The following ITGB5 variants were observed in gnomAD, a reference collection of about 807,000 sequenced individuals.
The protein encoded by ITGB5 is integrin subunit beta 5.
A neutral mutation model predicts 84.8 loss-of-function variants in ITGB5; 38 were observed. The ratio of observed to expected loss-of-function variants is 0.45; its 90% CI spans 0.35 to 0.59. ITGB5 has a LOEUF of 0.59. Among genes scored for constraint, ITGB5 ranks in the 20% least tolerant of loss-of-function variants. ITGB5 has a pLI of 0.01. For synonymous variants in ITGB5, 393 were observed against 414.4 expected, an observed-to-expected ratio of 0.95 and a Z score of 0.63; for missense variants, 905 against 1,034.5, an observed-to-expected ratio of 0.87 and a Z score of 1.72.
At chr3:124,828,316 A>G (rs566239111) in intron 5 of ITGB5, among the ~76,000 whole-genome samples, 1 of 152,356 alleles carries the variant, frequency 6.6e-6, no homozygotes, top group African/African-American at 2.4e-5. Context: ...AAACTGTTGC[A>G]TATCTATGCG....
chr3:124,824,622 G>GA (rs1304968535), intron 5 of ITGB5, among the ~76,000 whole-genome samples: 8 of 152,060 alleles, frequency 5.3e-5, no homozygotes, highest in Admixed American at 1.3e-4. Context: ...GAAAATATTT[G>GA]AAAAAATTAA....
chr3:124,824,122 T>C (rs919343752), intron 5 of ITGB5, among the ~76,000 whole-genome samples: 3 of 152,180 alleles, frequency 2.0e-5, no homozygotes, highest in African/African-American at 7.2e-5. Flanking sequence ...CAATGGAAAC[T>C]AGCAAAACAA....
intron 1 of ITGB5, among the ~76,000 whole-genome samples, chr3:124,897,103 C>T (rs72974592): frequency 0.053 from 8,043 of 152,188 alleles, 248 homozygotes; most frequent in African/African-American, 0.086. Flanking sequence ...GTGTTTCTTC[C>T]TCCAAAGGCC....
At chr3:124,857,391 T>C (rs966702067) in intron 3 of ITGB5, 1 of 152,152 alleles carries the variant, frequency 6.6e-6, no homozygotes. Context: ...AACATGCCCA[T>C]GAGGAACAAA....
chr3:124,857,949 C>T (rs1054883674), intron 3 of ITGB5, among the ~76,000 whole-genome samples: 2 of 152,062 alleles, frequency 1.3e-5, no homozygotes, highest in Non-Finnish European at 2.9e-5. Context: ...GCCTGGCCAA[C>T]ATGGTGAAAC....
intron 5 of ITGB5, among the ~76,000 whole-genome samples, chr3:124,835,251 C>T (rs2064918664): frequency 6.6e-6 from 1 of 152,220 alleles, no homozygotes; most frequent in African/African-American, 2.4e-5. Context: ...GGCTGCGGAG[C>T]CCACAACACA....
chr3:124,891,664 T>C (rs547533947), upstream of ITGB5, among the ~76,000 whole-genome samples: 1 of 151,538 alleles, frequency 6.6e-6, no homozygotes, highest in South Asian at 2.1e-4. Context: ...GGCTCATGCC[T>C]GTAATCCCAA....
chr3:124,806,248 C>T (rs1374431618), intron 9 of ITGB5, among the ~76,000 whole-genome samples: 1 of 152,086 alleles, frequency 6.6e-6, no homozygotes, highest in East Asian at 1.9e-4. Flanking sequence ...ACAGTCCATC[C>T]CTCTCCCATC....
upstream of ITGB5, among the ~76,000 whole-genome samples, chr3:124,891,842 T>C (rs1166698341): frequency 6.6e-6 from 1 of 151,450 alleles, no homozygotes; most frequent in Non-Finnish European, 1.5e-5. Context: ...CACCTGAGCC[T>C]GGGGAAGTTG....
At chr3:124,781,530 G>A (rs991779393) in intron 10 of ITGB5, among the ~76,000 whole-genome samples, 4 of 152,170 alleles carry the variant, frequency 2.6e-5, no homozygotes, top group Admixed American at 6.5e-5. Context: ...CGCACAGGAC[G>A]TGTTCCCAAC....
chr3:124,850,390 G>A (rs938197660), intron 3 of ITGB5, among the ~76,000 whole-genome samples: 6 of 151,930 alleles, frequency 3.9e-5, no homozygotes, highest in East Asian at 1.9e-4. Context: ...AGGCTTGCAC[G>A]GATGAAGTAT....
chr3:124,796,553 G>A lies in ITGB5; in HGVS notation c.1528C>T (p.Gln510Ter), dbSNP rs1398364758. The change falls in exon 10 of 15, where the codon CAG (glutamine) becomes TAG (stop). Residue 510 changes from glutamine (Q) to a stop codon, truncating the protein, a stop_gained. Transcript: ENST00000296181. LOFTEE classifies it high-confidence loss of function. ...CQDGENQSVY[Q>*]NLCREAEGKP... The stretch of plus-strand genomic sequence containing the variant: ...CCCTCTGCCTCCCGGCACAGGTTCT[G>A]GTACACGCTCTGGTTCTCCCCATCC... The A allele has an allele frequency of 5.6e-6, 9 of 1,614,006 alleles. No homozygotes were observed. Among genetic ancestry groups the A allele is most frequent in the Non-Finnish European group, 7.6e-6 (9 of 1,180,048 alleles).
chr3:124,887,776 T>G (rs1458698602), upstream of ITGB5: 2 of 408,618 alleles, frequency 4.9e-6, no homozygotes, highest in Admixed American at 5.1e-5. Context: ...CGGTACCGCC[T>G]CATCCTCCCA....
chr3:124,794,916 G>A (rs1264604732), intron 10 of ITGB5, among the ~76,000 whole-genome samples: 1 of 152,132 alleles, frequency 6.6e-6, no homozygotes, highest in Non-Finnish European at 1.5e-5. Context: ...CATGTAAGCA[G>A]AATGTCCAAA....
chr3:124,807,525 G>A (rs189723277), intron 9 of ITGB5, among the ~76,000 whole-genome samples: 36 of 152,256 alleles, frequency 2.4e-4, no homozygotes, highest in Admixed American at 1.9e-3. Context: ...TGGAAACAAC[G>A]TGTCTTAGAA....
At chr3:124,855,316 T>G (rs1050708669) in intron 3 of ITGB5, among the ~76,000 whole-genome samples, 4 of 151,944 alleles carry the variant, frequency 2.6e-5, no homozygotes, top group African/African-American at 7.3e-5. Context: ...TCTCTACATA[T>G]ATATAGATAG....
chr3:124,834,134 T>C (rs73860425), intron 5 of ITGB5, among the ~76,000 whole-genome samples: 3,076 of 152,208 alleles, frequency 0.02, 93 homozygotes, highest in African/African-American at 0.065. Context: ...CTGTGTGATA[T>C]TTAATGGTGG....
chr3:124,837,835 A>G (rs2107588239), intron 5 of ITGB5, among the ~76,000 whole-genome samples: 1 of 152,362 alleles, frequency 6.6e-6, no homozygotes, highest in African/African-American at 2.4e-5. Flanking sequence ...TATCAGCTCC[A>G]TCTCCAGGGC....
intron 5 of ITGB5, among the ~76,000 whole-genome samples, chr3:124,822,525 G>C (rs1041340972): frequency 6.6e-6 from 1 of 152,122 alleles, no homozygotes; most frequent in Non-Finnish European, 1.5e-5. Context: ...ACAGCCAAAA[G>C]AGCTATGATA....
Sources: allele counts gnomAD v4.1 joint callset (sites outside exome capture counted in the v4.1 genomes callset), GRCh38; gene constraint gnomAD v4.1.1; transcripts MANE v1.5; gene names NCBI Gene and HGNC (gene_info 2026-07-23, HGNC 2026-07-21).